The following GARS1 variants were observed in gnomAD, a reference collection of about 807,000 sequenced individuals.
GARS1 encodes the protein glycyl-tRNA synthetase 1, also known as glycine--tRNA ligase.
Under a neutral mutation model 86.4 loss-of-function variants are expected in GARS1, and 46 were observed. That is an observed-to-expected ratio of 0.53 (90% CI 0.42 to 0.68). The LOEUF is 0.68. GARS1 is among the 30% of genes least tolerant of loss of function. The probability of loss-of-function intolerance (pLI) is 0.00; values close to 1 mark genes in which losing one functional copy is unlikely to be tolerated. For synonymous variants in GARS1, 342 were observed against 329.8 expected, an observed-to-expected ratio of 1.04 and a Z score of -0.40; for missense variants, 797 against 915.6, an observed-to-expected ratio of 0.87 and a Z score of 1.67.
intron 12 of GARS1, among the ~76,000 whole-genome samples, chr7:30,624,392 C>A (rs770902991): frequency 1.2e-4 from 18 of 152,182 alleles, no homozygotes; most frequent in Admixed American, 2.0e-4. Flanking sequence ...TCTCTGTCAT[C>A]TCTTAATTTC....
chr7:30,627,759 C>G (rs1382841490), intron 13 of GARS1, among the ~76,000 whole-genome samples: 1 of 152,174 alleles, frequency 6.6e-6, no homozygotes, highest in Non-Finnish European at 1.5e-5. Context: ...TGAACAAGTT[C>G]TTATCAAGAT....
chr7:30,628,309 G>A (rs960840389), intron 13 of GARS1, among the ~76,000 whole-genome samples: 1 of 151,730 alleles, frequency 6.6e-6, no homozygotes, highest in African/African-American at 2.4e-5. Context: ...CTCAGCCTCC[G>A]GAGTAGCTGG....
rs1393469339 is a variant in GARS1, at chr7:30,633,897, A to T, written c.*37A>T. The T allele has an allele frequency of 5.8e-4, 31 of 53,522 alleles. No homozygotes were observed. Among genetic ancestry groups the T allele is most frequent in the Non-Finnish European group, 1.3e-3 (31 of 24,006 alleles). 3.3% of individuals were successfully genotyped at this position (53,522 alleles called of 1,614,324 possible). A position where few individuals can be genotyped will look rare whatever the true frequency, so the allele number is the denominator to read the frequency against. Reference sequence around the variant, plus strand: ...ACAACTTTTGACCACTTGCGCTAATAAAAAAAAAAAAAAACTACTCTTATG... The same window carrying T: ...ACAACTTTTGACCACTTGCGCTAATTAAAAAAAAAAAAAACTACTCTTATG... On this transcript the variant is annotated 3_prime_UTR_variant, in exon 17 of 17. Coordinates refer to ENST00000389266, the MANE Select transcript of GARS1 (RefSeq NM_002047.4).
chr7:30,626,323 A>C lies in GARS1; in HGVS notation c.1699+4A>C. On this transcript the variant is annotated splice_donor_region_variant and intron_variant, in intron 13 of 16. Transcript: ENST00000389266. Reference sequence around the variant, plus strand: ...AGATTCCAGAAAACACTATATGGTAAATTTGTAAAAATAATAAACAAAAAG... The same window carrying C: ...AGATTCCAGAAAACACTATATGGTACATTTGTAAAAATAATAAACAAAAAG... The C allele has an allele frequency of 6.6e-7, 1 of 1,506,484 alleles. No homozygotes were observed. Among genetic ancestry groups the C allele is most frequent in the Non-Finnish European group, 9.2e-7 (1 of 1,083,014 alleles). 93.3% of individuals were successfully genotyped at this position (1,506,484 alleles called of 1,614,324 possible). A position where few individuals can be genotyped will look rare whatever the true frequency, so the allele number is the denominator to read the frequency against.
intron 12 of GARS1, among the ~76,000 whole-genome samples, chr7:30,623,346 G>A (rs569449371): frequency 2.4e-4 from 36 of 152,264 alleles, no homozygotes; most frequent in African/African-American, 8.4e-4. Flanking sequence ...ACTCAAGGGT[G>A]TAAAGGAAAA....
chr7:30,600,978 G>A (rs1219030650), intron 3 of GARS1, 81 bp from the exon 4 acceptor site: 5 of 1,267,630 alleles, frequency 3.9e-6, no homozygotes, highest in Non-Finnish European at 5.8e-6. Context: ...GGGAGTATAG[G>A]TATCAGTTTC....
Position 30,614,702 on chromosome 7 carries a change from C to T in GARS1, c.1032-1194C>T, listed in dbSNP as rs193065895. On this transcript the variant is annotated intron_variant, in intron 8 of 16. Transcript: ENST00000389266. ...CCATCCTGGCTAACACAGTGAAACC[C>T]TGCCTCTACTAAAAATACAAAAAAT... Among the ~76,000 whole-genome samples, 58 of 152,176 alleles carry T rather than the reference C, an allele frequency of 3.8e-4. 1 individual carries two copies. Among genetic ancestry groups the T allele is most frequent in the African/African-American group, 1.2e-3 (48 of 41,534 alleles).
At position 30,600,148 on chromosome 7, in the gene GARS1, C is replaced by T. The variant is rs531992658; in HGVS notation, c.427+99C>T. On this transcript the variant is annotated intron_variant, in intron 3 of 16. Transcript: ENST00000389266. ...CTTGCCTGTTGGTATCCACTTGTATCAGGCCACAAAGCAGAGGATGGATGT... is the reference window on the plus strand; with the variant it reads ...CTTGCCTGTTGGTATCCACTTGTATTAGGCCACAAAGCAGAGGATGGATGT... The T allele has an allele frequency of 8.7e-5, 75 of 865,154 alleles. No homozygotes were observed. In the African/African-American group the frequency reaches 1.0e-3, roughly 12 times the overall value. 53.6% of individuals were successfully genotyped at this position (865,154 alleles called of 1,614,324 possible). A position where few individuals can be genotyped will look rare whatever the true frequency, so the allele number is the denominator to read the frequency against.
intron 11 of GARS1, chr7:30,621,782 T>C: frequency 2.0e-6 from 1 of 509,608 alleles, no homozygotes; most frequent in Admixed American, 3.5e-5. Flanking sequence ...CTCAGCTGTT[T>C]CCAAAACGCA....
At chr7:30,616,113 A>G in intron 9 of GARS1, 55 bp downstream of exon 9, 4 of 1,583,524 alleles carry the variant, frequency 2.5e-6, no homozygotes, top group East Asian at 2.2e-5. Context: ...GTTTGCAGCA[A>G]TTAGCAAATT....
intron 2 of GARS1, 75 bp from the exon 3 acceptor site, chr7:30,599,872 A>C (rs1791337106): frequency 1.1e-6 from 1 of 941,236 alleles, no homozygotes; most frequent in East Asian, 2.4e-5. Flanking sequence ...GTGAGGAATA[A>C]ACTAAATTCA....
In GARS1 at chr7:30,595,117, C is replaced by T. The variant is rs776478280; in HGVS notation, c.196C>T (p.Pro66Ser). 2.6e-6 allele frequency: 4 copies of T among 1,539,534 alleles called. No individual in the cohort carries two copies. Among genetic ancestry groups the T allele is most frequent in the Non-Finnish European group, 2.6e-6 (3 of 1,148,206 alleles). ...DGAGAEEVLAPLRLAVRQQGD... is the reference protein window; with the variant it reads ...DGAGAEEVLASLRLAVRQQGD... ...CGCGGGGGCTGAGGAGGTGCTGGCACCTCTGAGGCTAGCAGTGCGCCAGCA... is the reference window on the plus strand; with the variant it reads ...CGCGGGGGCTGAGGAGGTGCTGGCATCTCTGAGGCTAGCAGTGCGCCAGCA... The change falls in exon 1 of 17, where the codon CCT becomes TCT. Residue 66 changes from proline to serine, a missense_variant. Transcript: ENST00000389266.
rs111704060 is a variant in GARS1 at position 30,628,433 on chromosome 7, C to T, written c.1700-127C>T. The T allele has an allele frequency of 8.4e-3, 5,626 of 670,158 alleles. 40 individuals are homozygous for T. Among genetic ancestry groups the T allele is most frequent in the Middle Eastern group, 0.019 (66 of 3,530 alleles). The allele number at this position is 670,158 out of a possible 1,614,324, so 41.5% of individuals were successfully genotyped here. ...CTCCTGACCTCAGATGATCCACCTA[C>T]CTCAGCCTCCCAAAATGCTGGGATT... On this transcript the variant is annotated intron_variant, in intron 13 of 16. Coordinates refer to ENST00000389266, the MANE Select transcript of GARS1 (RefSeq NM_002047.4).
intron 8 of GARS1, among the ~76,000 whole-genome samples, chr7:30,615,231 A>G (rs1022213812): frequency 1.3e-5 from 2 of 152,242 alleles, no homozygotes; most frequent in African/African-American, 4.8e-5. Flanking sequence ...AACCAACTGT[A>G]TGATGCCATT....
In GARS1 at chr7:30,601,220, T is replaced by TG; in HGVS notation, c.569+25dup. On this transcript the variant is annotated intron_variant, in intron 4 of 16. Coordinates refer to ENST00000389266, the MANE Select transcript of GARS1 (RefSeq NM_002047.4). Reference sequence around the variant, plus strand: ...TTTAAAGTGAGATCTTACTTTGGAGTGGGGGTATCCTACTTTAAATAAAAT... The same window carrying TG: ...TTTAAAGTGAGATCTTACTTTGGAGTGGGGGGTATCCTACTTTAAATAAAAT... 1.2e-6 allele frequency: 2 copies of TG among 1,608,248 alleles called. No individual in the cohort carries two copies. The highest frequency in any genetic ancestry group is 1.1e-5 in the South Asian group (1 of 90,850).
intron 6 of GARS1, among the ~76,000 whole-genome samples, chr7:30,605,317 CT>C (rs1348368120): frequency 9.2e-5 from 14 of 152,366 alleles, no homozygotes; most frequent in African/African-American, 3.4e-4. Flanking sequence ...TTTCTCTTCT[CT>C]GTCTGTTTTT....
intron 7 of GARS1, among the ~76,000 whole-genome samples, chr7:30,610,625 G>A (rs1791580241): frequency 6.6e-6 from 1 of 152,128 alleles, no homozygotes; most frequent in Admixed American, 6.5e-5. Context: ...CTTTCATTTT[G>A]GCCATATGTA....
At chr7:30,605,046 A>G (rs34785207) in intron 6 of GARS1, among the ~76,000 whole-genome samples, 5,500 of 152,322 alleles carry the variant, frequency 0.036, 127 homozygotes, top group Middle Eastern at 0.075. Flanking sequence ...ATGCATGTAC[A>G]GCTGTCAATA....
chr7:30,601,617 T>C (rs1020204266), intron 4 of GARS1, among the ~76,000 whole-genome samples: 2 of 152,268 alleles, frequency 1.3e-5, no homozygotes, highest in African/African-American at 4.8e-5. Context: ...ACCGAATATC[T>C]TGATAGATGG....
Sources: allele counts gnomAD v4.1 joint callset (sites outside exome capture counted in the v4.1 genomes callset), GRCh38; gene constraint gnomAD v4.1.1; transcripts MANE v1.5; gene names NCBI Gene and HGNC (gene_info 2026-07-23, HGNC 2026-07-21).